The following GLB1L2 variants were observed in gnomAD, a reference collection of about 807,000 sequenced individuals.
The protein encoded by GLB1L2 is beta-galactosidase-1-like protein 2.
Under a neutral mutation model 84.1 loss-of-function variants are expected in GLB1L2, and 68 were observed. That is an observed-to-expected ratio of 0.81 (90% CI 0.67 to 0.99). GLB1L2 has a LOEUF of 0.99. Ranked by LOEUF, GLB1L2 falls within the 50% of genes least tolerant of loss-of-function variation. The probability of loss-of-function intolerance (pLI) is 0.00; values close to 1 mark genes in which losing one functional copy is unlikely to be tolerated. For synonymous variants in GLB1L2, 290 were observed against 318.0 expected (o/e 0.91, Z 0.94); for missense variants, 762 against 805.6 (o/e 0.95, Z 0.66).
intron 5 of GLB1L2, among the ~76,000 whole-genome samples, chr11:134,350,750 C>T (rs533908545): frequency 6.6e-6 from 1 of 152,222 alleles, no homozygotes; most frequent in Non-Finnish European, 1.5e-5. Flanking sequence ...TTGTAATGTA[C>T]AATCAGTGTA....
intron 6 of GLB1L2, among the ~76,000 whole-genome samples, chr11:134,356,784 C>A (rs923094505): frequency 2.6e-5 from 4 of 152,160 alleles, no homozygotes; most frequent in Non-Finnish European, 4.4e-5. Context: ...CCATACCAAG[C>A]AAAGAAGAAT....
At chr11:134,374,485 C>A in intron 17 of GLB1L2, 117 bp from the exon 18 acceptor site, 1 of 844,432 alleles carries the variant, frequency 1.2e-6, no homozygotes, top group Non-Finnish European at 2.0e-6. Flanking sequence ...ACCCTCATGG[C>A]TGTCCAGACA....
At chr11:134,356,060 A>G (rs770992046) in intron 5 of GLB1L2, 1 of 638,966 alleles carries the variant, frequency 1.6e-6, no homozygotes. Context: ...GTTTGGTTAG[A>G]CACTTAAATG....
intron 7 of GLB1L2, among the ~76,000 whole-genome samples, chr11:134,362,189 C>T (rs1355661712): frequency 6.6e-6 from 1 of 152,190 alleles, no homozygotes; most frequent in Non-Finnish European, 1.5e-5. Flanking sequence ...CCAGTCCTCC[C>T]GTCATTTCCT....
At chr11:134,363,456 G>A (rs569017322) in intron 7 of GLB1L2, among the ~76,000 whole-genome samples, 1 of 152,378 alleles carries the variant, frequency 6.6e-6, no homozygotes, top group South Asian at 2.1e-4. Context: ...CAGATAGCAG[G>A]CAGGTGAGGG....
intron 5 of GLB1L2, among the ~76,000 whole-genome samples, chr11:134,348,856 T>C (rs564847215): frequency 3.3e-4 from 50 of 152,350 alleles, no homozygotes; most frequent in African/African-American, 1.1e-3. Flanking sequence ...GGCCATCTTC[T>C]TGATGCAACC....
chr11:134,375,004 T>C lies in GLB1L2; in HGVS notation c.1857T>C (p.Pro619=), dbSNP rs767310011. The change falls in exon 19 of 19, where the codon CCT becomes CCC. Residue 619 remains proline, a synonymous_variant. Transcript: ENST00000535456. ...TTTTTGAGGAGACGATGGCGGGCCC[T>C]GCATTACAGTTCACGGAAACCCCCC... The part of the protein sequence containing the change: ...VIVFEETMAG[P]ALQFTETPHL... 2 of 1,613,848 alleles carry C rather than the reference T, an allele frequency of 1.2e-6. No homozygotes were observed. The highest frequency in any genetic ancestry group is 1.7e-6 in the Non-Finnish European group (2 of 1,179,964).
At chr11:134,371,282 C>G in intron 13 of GLB1L2, 134 bp downstream of exon 13, 1 of 1,277,518 alleles carries the variant, frequency 7.8e-7, no homozygotes, top group African/African-American at 1.5e-5. Flanking sequence ...TGTGAGCCTT[C>G]AGGGGGCATT....
intron 5 of GLB1L2, among the ~76,000 whole-genome samples, chr11:134,348,708 G>A (rs1304041357): frequency 6.6e-6 from 1 of 152,096 alleles, no homozygotes; most frequent in Non-Finnish European, 1.5e-5. Flanking sequence ...CTTAGTTCAG[G>A]CTGCCACAAC....
In GLB1L2 at chr11:134,370,925, C is replaced by G; in HGVS notation, c.1216-83C>G. ...CACCCACCAAACCTCCGCTTCCACC[C>G]CATGTGCCAGCCCCCAGGCAGAGTC... On this transcript the variant is annotated intron_variant, in intron 12 of 18. Transcript: ENST00000535456. This position sits in a 1 kb window ranked among gnomAD's most constrained non-coding sequence, Gnocchi z 4.7. 1 of 1,511,750 alleles carries G rather than the reference C, an allele frequency of 6.6e-7. No individual in the cohort carries two copies. The highest frequency in any genetic ancestry group is 1.2e-5 in the South Asian group (1 of 82,532). 93.6% of individuals were successfully genotyped at this position (1,511,750 alleles called of 1,614,324 possible). A position where few individuals can be genotyped will look rare whatever the true frequency, so the allele number is the denominator to read the frequency against.
chr11:134,368,743 T>C lies in GLB1L2; in HGVS notation c.989T>C (p.Met330Thr). The C allele has an allele frequency of 6.2e-7, 1 of 1,613,792 alleles. No individual in the cohort carries two copies. Residue 330 changes from methionine to threonine, a missense_variant, in exon 10 of 19, where the codon ATG becomes ACG. Met to Thr is a moderately conservative substitution (Grantham distance 81). Transcript: ENST00000535456. ...AACTTTGGCTTCATGAATGGAGCCATGCACTTCCATGACTACAAGTCAGAT... is the reference window on the plus strand; with the variant it reads ...AACTTTGGCTTCATGAATGGAGCCACGCACTTCCATGACTACAAGTCAGAT... The part of the protein sequence containing the change: ...GTNFGFMNGA[M>T]HFHDYKSDVT...
At chr11:134,363,985 C>A (rs1044060346) in intron 7 of GLB1L2, among the ~76,000 whole-genome samples, 1 of 152,216 alleles carries the variant, frequency 6.6e-6, no homozygotes, top group Admixed American at 6.5e-5. Flanking sequence ...TCAAGTGATC[C>A]TCCCACCTCA....
intron 5 of GLB1L2, among the ~76,000 whole-genome samples, chr11:134,349,725 T>C (rs60551506): frequency 0.024 from 3,643 of 152,330 alleles, 148 homozygotes; most frequent in African/African-American, 0.082. Flanking sequence ...GTCTTTTGCA[T>C]ATCTTGGAAG....
rs1943901679 is a variant in GLB1L2, at chr11:134,368,843, T to C, written c.1027+62T>C. 3.8e-6 allele frequency: 6 copies of C among 1,574,112 alleles called. No individual in the cohort carries two copies. The Admixed American group carries it at 1.0e-4, about 27-fold the overall frequency. On this transcript the variant is annotated intron_variant, in intron 10 of 18. Coordinates refer to ENST00000535456, the MANE Select transcript of GLB1L2 (RefSeq NM_001370461.1). Reference sequence around the variant, plus strand: ...CTGCATGGGCATGGCTGGGACTTGCTATGGAGAGGCCCTCAGGGTCAACTT... The same window carrying C: ...CTGCATGGGCATGGCTGGGACTTGCCATGGAGAGGCCCTCAGGGTCAACTT...
At chr11:134,358,370 T>C (rs1045577195) in intron 6 of GLB1L2, among the ~76,000 whole-genome samples, 19 of 152,248 alleles carry the variant, frequency 1.2e-4, no homozygotes, top group African/African-American at 4.3e-4. Context: ...AAGGCTCGCG[T>C]AGGACAGTCT....
At chr11:134,366,855 G>A (rs557907983) in intron 8 of GLB1L2, among the ~76,000 whole-genome samples, 6 of 151,990 alleles carry the variant, frequency 3.9e-5, no homozygotes, top group African/African-American at 9.7e-5. Flanking sequence ...TACCCAGGGT[G>A]GGGGGGAGGG....
In GLB1L2 at chr11:134,356,357, T is replaced by A. The variant is rs144969583; in HGVS notation, c.615T>A (p.Tyr205Ter). The A allele has an allele frequency of 3.8e-4, 606 of 1,614,024 alleles. 3 individuals carry two copies. The East Asian group carries it at 0.01, about 28-fold the overall frequency. ...AVQVENEYGS[Y>*]NKDPAYMPYV... is the part of the protein sequence containing the mutation. ...AGGTGGAGAATGAATATGGTTCCTA[T>A]AATAAAGACCCCGCATACATGCCCT... Residue 205 changes from tyrosine (Y) to a stop codon, truncating the protein, a stop_gained, in exon 6 of 19, where the codon TAT becomes TAA. Coordinates refer to ENST00000535456, the MANE Select transcript of GLB1L2 (RefSeq NM_001370461.1). LOFTEE classifies it high-confidence loss of function.
Position 134,332,086 on chromosome 11 carries a change from A to AG in GLB1L2, c.27dup (p.Pro10AlafsTer94), listed in dbSNP as rs761723640. The AG allele has an allele frequency of 2.6e-5, 41 of 1,586,810 alleles. No homozygotes were observed. The highest frequency in any genetic ancestry group is 3.4e-5 in the Non-Finnish European group (40 of 1,168,690). ...GATGACCACGTGGAGCCTCCGGCGG[A>AG]GGCCGGCCCGCACGCTGGGACTCCT... is the stretch of plus-strand genomic sequence containing the variant. On this transcript the variant is annotated frameshift_variant, in exon 1 of 19. Transcript: ENST00000535456. LOFTEE classifies it high-confidence loss of function.
Position 134,374,635 on chromosome 11 carries a change from C to T in GLB1L2, c.1741C>T (p.Gln581Ter), listed in dbSNP as rs780033511. 32 of 1,613,970 alleles carry T rather than the reference C, an allele frequency of 2.0e-5. No individual in the cohort carries two copies. The South Asian group carries it at 3.4e-4, about 17-fold the overall frequency. ...GAAGGGGGTTGTATTCATCAATGGC[C>T]AGAACCTTGGACGTTACTGGAACAT... ...WEKGVVFING[Q>*]NLGRYWNIGP... is the part of the protein sequence containing the mutation. Residue 581 changes from glutamine to a stop codon, truncating the protein, a stop_gained, in exon 18 of 19, where the codon CAG (glutamine) becomes TAG (stop). Coordinates refer to ENST00000535456, the MANE Select transcript of GLB1L2 (RefSeq NM_001370461.1). LOFTEE classifies it high-confidence loss of function.
Sources: allele counts gnomAD v4.1 joint callset (sites outside exome capture counted in the v4.1 genomes callset), GRCh38; gene constraint gnomAD v4.1.1; non-coding constraint Gnocchi (gnomAD v3.1); transcripts MANE v1.5; gene names NCBI Gene and HGNC (gene_info 2026-07-23, HGNC 2026-07-21).